Variants in ITGA7 observed in about 807,000 individuals in gnomAD.
ITGA7 encodes the protein integrin subunit alpha 7.
In ITGA7, 84 loss-of-function variants were observed where a neutral mutation model predicts 131.6. The observed-to-expected ratio is 0.64, with a 90% confidence interval of 0.54 to 0.77. ITGA7 has a LOEUF of 0.77. ITGA7 is among the 30% of genes least tolerant of loss of function. The pLI is 0.00. For missense variants in ITGA7, 1,399 were observed against 1,482.9 expected, an observed-to-expected ratio of 0.94 and a Z score of 0.93; for synonymous variants, 548 against 600.7, an observed-to-expected ratio of 0.91 and a Z score of 1.28.
intron 7 of ITGA7, 134 bp downstream of exon 7, chr12:55,698,249 T>C: frequency 1.1e-6 from 1 of 942,130 alleles, no homozygotes; most frequent in African/African-American, 1.7e-5. Context: ...AGCTGGTAAA[T>C]GGTACAGCTC....
At chr12:55,713,457 C>T (rs188221063), upstream of ITGA7, among the ~76,000 whole-genome samples, 404 of 152,320 alleles carry the variant, frequency 2.7e-3, 2 homozygotes, top group Non-Finnish European at 2.1e-3. Context: ...AAGACTCAGG[C>T]TCTGGAGTCA....
upstream of ITGA7, among the ~76,000 whole-genome samples, chr12:55,709,960 C>T (rs73119213): frequency 0.064 from 9,673 of 152,238 alleles, 393 homozygotes; most frequent in African/African-American, 0.1. Context: ...CACACAAGAG[C>T]GTGCTAGACC....
Position 55,694,433 on chromosome 12 carries a change from C to A in ITGA7, c.2357+10G>T, listed in dbSNP as rs1555160977. The A allele has an allele frequency of 6.2e-7, 1 of 1,614,116 alleles. No homozygotes were observed. The highest frequency in any genetic ancestry group is 1.3e-5 in the African/African-American group (1 of 75,048). On this transcript the variant is annotated intron_variant, in intron 17 of 24. Coordinates refer to ENST00000257879, the MANE Select transcript of ITGA7 (RefSeq NM_002206.3). The surrounding 1 kb of genome is among the most constrained non-coding windows in gnomAD (Gnocchi z 5.3). ...CCCCCACCTCACCCTTCCGGCCCCG[C>A]CTGGCTTACGTGGCCAACAGCAGCT...
rs1873030813 is a variant in ITGA7 at position 55,697,965 on chromosome 12, G to A, written c.1254C>T (p.Ser418=). 2 of 1,613,934 alleles carry A rather than the reference G, an allele frequency of 1.2e-6. No individual in the cohort carries two copies. ...DGKVFIYHGS[S]LGVVAKPSQV... ...GTGAAGGTTTGGCGACAACCCCCAG[G>A]CTGCTCCCATGGTAGATGAAGACTT... The change falls in exon 8 of 25, where the codon AGC becomes AGT. Residue 418 remains serine (S), a synonymous_variant. Transcript: ENST00000257879.
intron 22 of ITGA7, among the ~76,000 whole-genome samples, chr12:55,688,630 G>A (rs1239911675): frequency 6.6e-6 from 1 of 151,684 alleles, no homozygotes; most frequent in Non-Finnish European, 1.5e-5. Context: ...GGCTGAGGCA[G>A]GAGAACCTCT....
In ITGA7 at chr12:55,694,102, G is replaced by C. The variant is rs569417690; in HGVS notation, c.2454C>G (p.Leu818=). The C allele has an allele frequency of 3.7e-6, 6 of 1,614,234 alleles. No homozygotes were observed. The East Asian group carries it at 8.9e-5, about 24-fold the overall frequency. Residue 818 remains leucine (L), a synonymous_variant, in exon 19 of 25, where the codon CTC becomes CTG. Transcript: ENST00000257879. The surrounding 1 kb of genome is among the most constrained non-coding windows in gnomAD (Gnocchi z 5.3). ...CGCCCCTCACCACACCAGAGAAGAA[G>C]AGTTGCTGGGGAATGGCCATTCTGG... ...SIAGMAIPQQ[L]FFSGVVRGER... is the part of the protein sequence containing the mutation.
rs746695468 is a variant in ITGA7 at position 55,698,465 on chromosome 12, A to C, written c.1110T>G (p.Pro370=). 6 of 1,613,642 alleles carry C rather than the reference A, an allele frequency of 3.7e-6. No individual in the cohort carries two copies. The African/African-American group carries it at 4.0e-5, about 11-fold the overall frequency. ...NQGGHWAGIS[P]LRLCGSPDSM... ...AGTCAGGGGAGCCGCAGAGCCGGAG[A>C]GGGGAGATCCCAGCCCAGTGACCCC... Residue 370 remains proline (P), a synonymous_variant, in exon 7 of 25, where the codon CCT becomes CCG. Transcript: ENST00000257879.
intron 10 of ITGA7, 60 bp downstream of exon 10, chr12:55,697,390 AG>A (rs1872869547): frequency 6.3e-7 from 1 of 1,589,678 alleles, no homozygotes; most frequent in Admixed American, 1.7e-5. Flanking sequence ...GGGGAGATAA[AG>A]GATCAAAGGG....
At chr12:55,693,459 T>G in intron 19 of ITGA7, 142 bp from the exon 20 acceptor site, 1 of 741,572 alleles carries the variant, frequency 1.3e-6, no homozygotes, top group Non-Finnish European at 2.2e-6. Flanking sequence ...CTTGGCCTCC[T>G]GTAGTGCTGT....
At chr12:55,707,998 T>G, upstream of ITGA7, 1 of 1,233,082 alleles carries the variant, frequency 8.1e-7, no homozygotes, top group Non-Finnish European at 1.0e-6. Flanking sequence ...CAAGCCCGTC[T>G]CCAAGGGGAT....
At position 55,693,152 on chromosome 12, in the gene ITGA7, T is replaced by C. The variant is rs113651939; in HGVS notation, c.2701A>G (p.Ile901Val). 7.7e-4 allele frequency: 1,247 copies of C among 1,613,798 alleles called. 12 individuals are homozygous for C. The Admixed American group carries it at 0.011, about 14-fold the overall frequency. Residue 901 changes from isoleucine to valine, a missense_variant, in exon 20 of 25, where the codon ATC becomes GTC. Ile to Val is a conservative substitution (Grantham distance 29). Transcript: ENST00000257879. The part of the protein sequence containing the change: ...QKGLCSPRPN[I>V]LHLDVDSRDR... ...CACCTAAGCCTCACCAGGTGGAGGA[T>C]GTTGGGCCTGGGAGAGCAAAGCCCT... is the stretch of plus-strand genomic sequence containing the variant.
At chr12:55,701,293 A>G in intron 3 of ITGA7, 139 bp from the exon 4 acceptor site, 1 of 1,568,246 alleles carries the variant, frequency 6.4e-7, no homozygotes, top group South Asian at 1.1e-5. Flanking sequence ...ATACACACAC[A>G]CCCCTATGCC....
At position 55,696,291 on chromosome 12, in the gene ITGA7, G is replaced by A. The variant is rs760006172; in HGVS notation, c.1879C>T (p.Arg627Trp). 58 of 1,572,416 alleles carry A rather than the reference G, an allele frequency of 3.7e-5. No homozygotes were observed. The highest frequency in any genetic ancestry group is 1.7e-4 in the Middle Eastern group (1 of 5,884). Residue 627 changes from arginine (R) to tryptophan (W), a missense_variant, in exon 13 of 25, where the codon CGG (arginine) becomes TGG (tryptophan). Physicochemically the swap from Arg to Trp is moderately radical, Grantham distance 101 (BLOSUM62 -3). Transcript: ENST00000257879. ...ILNAHQPSTQ[R>W]AEIHFLKQGC... Reference sequence around the variant, plus strand: ...CCAGAACCCATGCTCACCTCTGCCCGCTGGGTGCTGGGCTGGTGGGCATTG... The same window carrying A: ...CCAGAACCCATGCTCACCTCTGCCCACTGGGTGCTGGGCTGGTGGGCATTG...
chr12:55,687,487 C>CTTTTTT (rs34640494), intron 24 of ITGA7, among the ~76,000 whole-genome samples: 1 of 59,630 alleles, frequency 1.7e-5, no homozygotes, highest in Non-Finnish European at 2.8e-5. Context: ...CCATGCCCGG[C>CTTTTTT]TTTTTTTTTT....
At chr12:55,711,957 C>A, upstream of ITGA7, 1 of 906,630 alleles carries the variant, frequency 1.1e-6, no homozygotes, top group Non-Finnish European at 1.8e-6. Context: ...TCAGGGCTAA[C>A]TTCTCCCTCC....
At chr12:55,687,116 C>A (rs1045522859) in intron 24 of ITGA7, among the ~76,000 whole-genome samples, 9 of 151,868 alleles carry the variant, frequency 5.9e-5, no homozygotes, top group African/African-American at 1.9e-4. Flanking sequence ...AGGCTCACCA[C>A]TCCCATCCCA....
intron 13 of ITGA7, 120 bp from the exon 14 acceptor site, chr12:55,695,757 G>T: frequency 2.7e-6 from 2 of 730,478 alleles, no homozygotes; most frequent in Non-Finnish European, 5.0e-6. Flanking sequence ...TCAACTCTCA[G>T]ATCTGCTGCT....
At chr12:55,714,877 T>C (rs1876401932), upstream of ITGA7, among the ~76,000 whole-genome samples, 1 of 146,852 alleles carries the variant, frequency 6.8e-6, no homozygotes, top group Admixed American at 6.8e-5. Flanking sequence ...TTTTTTTTTT[T>C]TGAGACAGAG....
Position 55,698,909 on chromosome 12 carries a change from T to C in ITGA7, c.799A>G (p.Ile267Val), listed in dbSNP as rs201469044. The C allele has an allele frequency of 1.3e-4, 203 of 1,611,136 alleles. 1 individual carries two copies. In the Middle Eastern group the frequency reaches 1.5e-3, roughly 12 times the overall value. Residue 267 changes from isoleucine (I) to valine (V), a missense_variant, in exon 6 of 25, where the codon ATT becomes GTT. Transcript: ENST00000257879. ...LALNSYLGFS[I>V]DSGKGLVRAE... ...CGCACCAGACCTTTCCCCGAGTCAATAGAGAAGCCTGGGGGAAGGGTGACT... is the reference window on the plus strand; with the variant it reads ...CGCACCAGACCTTTCCCCGAGTCAACAGAGAAGCCTGGGGGAAGGGTGACT...
Sources: gnomAD v4.1 joint callset for allele counts (sites outside exome capture counted in the v4.1 genomes callset) on GRCh38, gnomAD v4.1.1 for gene constraint, Gnocchi (gnomAD v3.1) non-coding constraint, MANE v1.5 for transcripts, NCBI Gene and HGNC (gene_info 2026-07-23, HGNC 2026-07-21) for gene names.